SYTL5: variants seen among roughly 807,000 people sequenced by gnomAD.
SYTL5 encodes synaptotagmin-like protein 5.
SYTL5 carries 34 observed loss-of-function variants against 55.9 expected under a neutral mutation model. That is an observed-to-expected ratio of 0.61 (90% confidence interval 0.46 to 0.81). SYTL5 has a LOEUF of 0.81. Ranked by LOEUF, SYTL5 falls within the 30% of genes least tolerant of loss-of-function variation. The probability of loss-of-function intolerance (pLI) is 0.00; values close to 1 mark genes in which losing one functional copy is unlikely to be tolerated. For missense variants in SYTL5, 637 were observed against 546.7 expected (o/e 1.17, Z -1.65); for synonymous variants, 221 against 188.7 (o/e 1.17, Z -1.40).
At chrX:38,064,661 C>T (rs1339214743) in intron 3 of SYTL5, among the ~76,000 whole-genome samples, 2 of 111,282 alleles carry the variant, frequency 1.8e-5, no homozygotes, top group Non-Finnish European at 3.8e-5. Flanking sequence ...TTAATAGCTG[C>T]ATACATGTTT....
chrX:38,117,459 T>A (rs2147680677), intron 13 of SYTL5, among the ~76,000 whole-genome samples: 1 of 112,092 alleles, frequency 8.9e-6, no homozygotes, highest in East Asian at 2.8e-4. Flanking sequence ...TACTGGCGTA[T>A]TTTCATACCC....
intron 10 of SYTL5, among the ~76,000 whole-genome samples, chrX:38,104,010 C>T (rs1054322588): frequency 3.6e-5 from 4 of 112,071 alleles, no homozygotes; most frequent in African/African-American, 1.3e-4. Flanking sequence ...ATATGTGTGC[C>T]TATTGAGCAC....
chrX:37,976,858 C>T, the SYTL5 span, among the ~76,000 whole-genome samples: 1 of 107,849 alleles, frequency 9.3e-6, no homozygotes, highest in African/African-American at 3.4e-5. Flanking sequence ...CCCAGCTACT[C>T]GGGAGGCTAA....
At chrX:38,002,261 A>C (rs772214246), upstream of SYTL5, among the ~76,000 whole-genome samples, 1 of 112,209 alleles carries the variant, frequency 8.9e-6, no homozygotes, top group South Asian at 3.7e-4. Flanking sequence ...AATCCAGTCT[A>C]ACATTGTTGG....
chrX:37,907,436 GTT>G, the SYTL5 span, among the ~76,000 whole-genome samples: 5 of 112,257 alleles, frequency 4.5e-5, no homozygotes. Flanking sequence ...ATTTTTTAGA[GTT>G]GAGTGGAAGC....
the SYTL5 span, among the ~76,000 whole-genome samples, chrX:37,971,101 C>T: frequency 9.5e-6 from 1 of 105,774 alleles, no homozygotes; most frequent in Non-Finnish European, 2.0e-5. Context: ...CTTTTTAAAG[C>T]CAATTAATTA....
At chrX:38,093,681 C>CA (rs1389498300) in intron 7 of SYTL5, among the ~76,000 whole-genome samples, 132 of 110,838 alleles carry the variant, frequency 1.2e-3, no homozygotes, top group Non-Finnish European at 2.0e-3. Context: ...AGACACCACA[C>CA]AAAAAAAATA....
chrX:37,905,235 C>A, the SYTL5 span, among the ~76,000 whole-genome samples: 4 of 110,586 alleles, frequency 3.6e-5, no homozygotes, highest in East Asian at 1.1e-3. Context: ...TTTCCAAGAC[C>A]CAGGGGGGAT....
the SYTL5 span, among the ~76,000 whole-genome samples, chrX:37,952,244 C>A: frequency 4.5e-5 from 5 of 111,686 alleles, no homozygotes; most frequent in Admixed American, 4.8e-4. Context: ...CTTCTTCACG[C>A]TTCTGCTACT....
At chrX:38,056,819 T>A (rs1461884744) in intron 3 of SYTL5, among the ~76,000 whole-genome samples, 1 of 112,010 alleles carries the variant, frequency 8.9e-6, no homozygotes, top group Non-Finnish European at 1.9e-5. Context: ...TTAGATTTCT[T>A]CCTAATCAGA....
intron 12 of SYTL5, 47 bp downstream of exon 12, chrX:38,108,746 C>T (rs748582084): frequency 8.9e-5 from 74 of 833,349 alleles, no homozygotes; most frequent in Non-Finnish European, 1.2e-4. Flanking sequence ...CTGTTCACAA[C>T]TTCAATGGTT....
intron 3 of SYTL5, among the ~76,000 whole-genome samples, chrX:38,062,096 T>C (rs1461878771): frequency 9.0e-6 from 1 of 110,931 alleles, no homozygotes; most frequent in East Asian, 2.8e-4. Flanking sequence ...GTTTCCCAAG[T>C]GGCTGGGACT....
intron 1 of SYTL5, among the ~76,000 whole-genome samples, chrX:38,017,971 G>A (rs778783882): frequency 9.1e-6 from 1 of 109,752 alleles, no homozygotes; most frequent in South Asian, 4.1e-4. Context: ...GGAGGTCTGG[G>A]GAGTTCCTTC....
At chrX:38,123,819 AATACTT>A (rs1343377762) in intron 15 of SYTL5, among the ~76,000 whole-genome samples, 1 of 112,390 alleles carries the variant, frequency 8.9e-6, no homozygotes, top group African/African-American at 3.2e-5. Context: ...TGTCTATAAT[AATACTT>A]AAATATTAGG....
At chrX:38,065,417 T>G (rs1454120098) in intron 3 of SYTL5, among the ~76,000 whole-genome samples, 1 of 112,235 alleles carries the variant, frequency 8.9e-6, no homozygotes, top group Non-Finnish European at 1.9e-5. Context: ...GTTGAAAATT[T>G]CTTTATTTCA....
At chrX:38,118,814 G>A (rs372185141) in intron 13 of SYTL5, among the ~76,000 whole-genome samples, 175 of 108,460 alleles carry the variant, frequency 1.6e-3, no homozygotes, top group African/African-American at 5.6e-3. Context: ...GAGTACTGTG[G>A]CACAATCATA....
intron 9 of SYTL5, among the ~76,000 whole-genome samples, chrX:38,099,805 C>G (rs1321935051): frequency 9.0e-6 from 1 of 111,200 alleles, no homozygotes; most frequent in East Asian, 2.8e-4. Context: ...TTGTCAAGTG[C>G]CTTTTCTGCA....
At chrX:38,050,421 G>A (rs768810327) in intron 2 of SYTL5, among the ~76,000 whole-genome samples, 2 of 111,695 alleles carry the variant, frequency 1.8e-5, no homozygotes, top group Non-Finnish European at 3.8e-5. Context: ...GAAATGAAAA[G>A]ATTGTATCAT....
At chrX:37,964,652 T>C in the SYTL5 span, among the ~76,000 whole-genome samples, 1 of 111,641 alleles carries the variant, frequency 9.0e-6, no homozygotes. Flanking sequence ...TCAGAAGACT[T>C]TGAGAATTAT....
Sources: allele counts gnomAD v4.1 joint callset (sites outside exome capture counted in the v4.1 genomes callset), GRCh38; gene constraint gnomAD v4.1.1; transcripts MANE v1.5; gene names NCBI Gene and HGNC (gene_info 2026-07-23, HGNC 2026-07-21).